The following HSD17B13 variants were observed in gnomAD, a reference collection of about 807,000 sequenced individuals.
HSD17B13 encodes hydroxysteroid 17-beta dehydrogenase 13.
HSD17B13 carries 26 observed loss-of-function variants against 31.1 expected under a neutral mutation model. The observed-to-expected ratio is 0.84, with a 90% CI of 0.61 to 1.16. The LOEUF is 1.16. HSD17B13 is among the 50% of genes most tolerant of loss of function. HSD17B13 has a pLI of 0.00. For synonymous variants in HSD17B13, 141 were observed against 133.7 expected, an observed-to-expected ratio of 1.05 and a Z score of -0.38; for missense variants, 374 against 366.5, an observed-to-expected ratio of 1.02 and a Z score of -0.17.
intron 5 of HSD17B13, among the ~76,000 whole-genome samples, chr4:87,312,696 A>AT (rs1485252639): frequency 2.0e-5 from 3 of 151,120 alleles, no homozygotes; most frequent in African/African-American, 7.3e-5. Context: ...CGCCCGGCTA[A>AT]TTTTTTTGTG....
At chr4:87,315,392 C>A in intron 4 of HSD17B13, 101 bp downstream of exon 4, 1 of 518,618 alleles carries the variant, frequency 1.9e-6, no homozygotes. Context: ...ATTCTTTGTT[C>A]AAGATGCCAA....
chr4:87,320,333 T>G (rs891602942), intron 1 of HSD17B13, among the ~76,000 whole-genome samples: 7 of 151,722 alleles, frequency 4.6e-5, no homozygotes, highest in African/African-American at 1.7e-4. Flanking sequence ...GAGCATAAGT[T>G]ACCAGAGCAT....
In HSD17B13 at chr4:87,310,247, G is replaced by C; in HGVS notation, c.808C>G (p.Gln270Glu). The change falls in exon 6 of 7, where the codon CAG (glutamine) becomes GAG (glutamate). Residue 270 changes from glutamine (Q) to glutamate (E), a missense_variant. Physicochemically the swap from Gln to Glu is conservative, Grantham distance 29. Coordinates refer to ENST00000328546, the MANE Select transcript of HSD17B13 (RefSeq NM_178135.5). ...PSYINIFLRL[Q>E]KFLPERASAI... ...GGTGTTCTGTGCTGTACTTACTTCT[G>C]TAGTCTCAGAAAGATATTGATATAC... 1 of 1,558,914 alleles carries C rather than the reference G, an allele frequency of 6.4e-7. No individual in the cohort carries two copies. The highest frequency in any genetic ancestry group is 8.6e-7 in the Non-Finnish European group (1 of 1,160,686).
intron 5 of HSD17B13, 29 bp downstream of exon 5, chr4:87,313,794 T>C: frequency 1.3e-6 from 2 of 1,596,894 alleles, no homozygotes; most frequent in South Asian, 2.2e-5. Context: ...TCATACCACA[T>C]ACCCATTCTA....
intron 1 of HSD17B13, among the ~76,000 whole-genome samples, chr4:87,320,595 T>C (rs1013798126): frequency 6.6e-6 from 1 of 151,890 alleles, no homozygotes; most frequent in East Asian, 1.9e-4. Flanking sequence ...CACTGTGTTA[T>C]CCAGGATGGT....
rs190310719 is a variant in HSD17B13 at position 87,317,194 on chromosome 4, G to A, written c.348C>T (p.Ile116=). 36 of 1,613,970 alleles carry A rather than the reference G, an allele frequency of 2.2e-5. No individual in the cohort carries two copies. The East Asian group carries it at 7.6e-4, about 34-fold the overall frequency. The part of the protein sequence containing the change: ...QVKKEVGDVT[I]VVNNAGTVYP... The stretch of plus-strand genomic sequence containing the variant: ...ATACTGTCCCAGCATTATTCACCAC[G>A]ATTGTTACATCACCCACTTCTTTCT... The change falls in exon 3 of 7, where the codon ATC becomes ATT. Residue 116 remains isoleucine, a synonymous_variant. Transcript: ENST00000328546.
rs769423559 is a variant in HSD17B13, at chr4:87,315,489, T to C, written c.557+4A>G. The stretch of plus-strand genomic sequence containing the variant: ...ATATAACATGGCTGGCATGTGATAC[T>C]TACCAATATGGGATGAGGTAAGGAA... On this transcript the variant is annotated splice_donor_region_variant and intron_variant, in intron 4 of 6. Transcript: ENST00000328546. The C allele has an allele frequency of 1.9e-6, 3 of 1,556,538 alleles. No individual in the cohort carries two copies. The highest frequency in any genetic ancestry group is 2.7e-6 in the Non-Finnish European group (3 of 1,130,734).
At chr4:87,320,513 A>C (rs894147545) in intron 1 of HSD17B13, among the ~76,000 whole-genome samples, 13 of 148,082 alleles carry the variant, frequency 8.8e-5, no homozygotes, top group Non-Finnish European at 1.3e-4. Context: ...CAGCCTCCCG[A>C]GTAGCTGGGA....
intron 3 of HSD17B13, among the ~76,000 whole-genome samples, chr4:87,316,530 G>A (rs184439460): frequency 1.3e-5 from 2 of 152,290 alleles, no homozygotes; most frequent in Non-Finnish European, 2.9e-5. Flanking sequence ...GGCAGTTGAA[G>A]TTGATATTTC....
chr4:87,322,743 A>G lies in HSD17B13; in HGVS notation c.99T>C (p.Ser33=). The change falls in exon 1 of 7, where the codon TCT becomes TCC. Residue 33 remains serine (S), a synonymous_variant. Transcript: ENST00000328546. ...TAATGAGAACAATCTCCCCAGCCAC[A>G]GATTTTCTCCTCTGAGGAATGAAAA... ...VKFFIPQRRK[S]VAGEIVLITG... 1 of 1,614,084 alleles carries G rather than the reference A, an allele frequency of 6.2e-7. No individual in the cohort carries two copies. Among genetic ancestry groups the G allele is most frequent in the South Asian group, 1.1e-5 (1 of 91,070 alleles).
At chr4:87,312,534 T>A (rs1280722401) in intron 5 of HSD17B13, among the ~76,000 whole-genome samples, 8 of 133,214 alleles carry the variant, frequency 6.0e-5, no homozygotes, top group South Asian at 2.6e-4. Context: ...TTTTTTTTTT[T>A]TTTTTTTTTT....
rs1443133102 is a variant in HSD17B13 at position 87,322,716 on chromosome 4, A to G, written c.126T>C (p.Thr42=). 1 of 1,614,184 alleles carries G rather than the reference A, an allele frequency of 6.2e-7. No homozygotes were observed. Among genetic ancestry groups the G allele is most frequent in the Non-Finnish European group, 8.5e-7 (1 of 1,180,026 alleles). The stretch of plus-strand genomic sequence containing the variant: ...GCCTGCCTATTCCATGCCCAGCTCC[A>G]GTAATGAGAACAATCTCCCCAGCCA... ...KSVAGEIVLI[T]GAGHGIGRQT... is the part of the protein sequence containing the mutation. Residue 42 remains threonine, a synonymous_variant, in exon 1 of 7, where the codon ACT becomes ACC. Coordinates refer to ENST00000328546, the MANE Select transcript of HSD17B13 (RefSeq NM_178135.5).
At chr4:87,313,349 T>G (rs1241599899) in intron 5 of HSD17B13, among the ~76,000 whole-genome samples, 3 of 152,238 alleles carry the variant, frequency 2.0e-5, no homozygotes, top group African/African-American at 7.2e-5. Flanking sequence ...TATACTAGGA[T>G]TAGAAAAATT....
intron 2 of HSD17B13, among the ~76,000 whole-genome samples, chr4:87,317,896 CTT>C (rs991887461): frequency 2.0e-5 from 3 of 152,048 alleles, no homozygotes; most frequent in Non-Finnish European, 4.4e-5. Flanking sequence ...GGTATTTACT[CTT>C]TTAAAATAAT....
intron 4 of HSD17B13, among the ~76,000 whole-genome samples, chr4:87,314,641 T>TCTCACACA (rs373166006): frequency 7.9e-4 from 112 of 142,250 alleles, no homozygotes; most frequent in African/African-American, 2.8e-3. Context: ...TCTCTCTCTC[T>TCTCACACA]CACACACACA....
chr4:87,317,044 T>C lies in HSD17B13; in HGVS notation c.450+48A>G, dbSNP rs200335722. On this transcript the variant is annotated intron_variant, in intron 3 of 6. Coordinates refer to ENST00000328546, the MANE Select transcript of HSD17B13 (RefSeq NM_178135.5). ...TGAACTCCGTTATAAGTTTCATGTA[T>C]CTTAAGAGAAGGTGCACAAATCAGA... The C allele has an allele frequency of 3.8e-5, 61 of 1,592,536 alleles. No homozygotes were observed. In the African/African-American group the frequency reaches 7.5e-4, roughly 20 times the overall value.
chr4:87,313,373 G>A (rs1734577525), intron 5 of HSD17B13, among the ~76,000 whole-genome samples: 1 of 152,122 alleles, frequency 6.6e-6, no homozygotes, highest in African/African-American at 2.4e-5. Flanking sequence ...TAAGCAGATG[G>A]CTTAATTTTC....
In HSD17B13 at chr4:87,318,491, A is replaced by G. The variant is rs1734710544; in HGVS notation, c.211-55T>C. The G allele has an allele frequency of 3.4e-6, 5 of 1,474,110 alleles. No homozygotes were observed. The Admixed American group carries it at 8.4e-5, about 25-fold the overall frequency. The allele number at this position is 1,474,110 out of a possible 1,614,324, so 91.3% of individuals were successfully genotyped here. A position where few individuals can be genotyped will look rare whatever the true frequency, so the allele number is the denominator to read the frequency against. On this transcript the variant is annotated intron_variant, in intron 1 of 6. Coordinates refer to ENST00000328546, the MANE Select transcript of HSD17B13 (RefSeq NM_178135.5). ...AAAGTGGAGGAGAAGACATTGGAGAAGAAAAATTTTTAGACAATTAACATT... is the reference window on the plus strand; with the variant it reads ...AAAGTGGAGGAGAAGACATTGGAGAGGAAAAATTTTTAGACAATTAACATT...
intron 5 of HSD17B13, 74 bp downstream of exon 5, chr4:87,313,749 C>A (rs1245683364): frequency 5.5e-6 from 7 of 1,261,438 alleles, no homozygotes; most frequent in African/African-American, 3.1e-5. Context: ...AGTTGGCCTG[C>A]CTAAACATTT....
Sources: gnomAD v4.1 joint callset for allele counts (sites outside exome capture counted in the v4.1 genomes callset) on GRCh38, gnomAD v4.1.1 for gene constraint, MANE v1.5 for transcripts, NCBI Gene and HGNC (gene_info 2026-07-23, HGNC 2026-07-21) for gene names.